The following METTL16 variants were observed in gnomAD, a reference collection of about 807,000 sequenced individuals.
The protein encoded by METTL16 is methyltransferase 16, RNA N6-adenosine.
In METTL16, 19 loss-of-function variants were observed where a neutral mutation model predicts 57.9. That is an observed-to-expected ratio of 0.33 (90% CI 0.23 to 0.48). The LOEUF (loss-of-function observed/expected upper bound fraction) is 0.48. Ranked by LOEUF, METTL16 falls within the 20% of genes least tolerant of loss-of-function variation. METTL16 has a pLI of 0.99. For missense variants in METTL16, 434 were observed against 691.5 expected, an observed-to-expected ratio of 0.63 and a Z score of 4.18; for synonymous variants, 246 against 255.6, an observed-to-expected ratio of 0.96 and a Z score of 0.36.
chr17:2,419,355 CA>C lies in METTL16; in HGVS notation c.*614del. ...TACCTAATTCTGCTTCTGAAATAAG[CA>C]ACATCAAAACAGCCAGGTGTCAGGA... On this transcript the variant is annotated 3_prime_UTR_variant, in exon 10 of 10. Coordinates refer to ENST00000263092, the MANE Select transcript of METTL16 (RefSeq NM_024086.4). The C allele has an allele frequency of 3.9e-6, 1 of 255,252 alleles. No homozygotes were observed. The highest frequency in any genetic ancestry group is 4.9e-5 in the Admixed American group (1 of 20,422). The allele number at this position is 255,252 out of a possible 1,614,324, so 15.8% of individuals were successfully genotyped here.
intron 7 of METTL16, among the ~76,000 whole-genome samples, chr17:2,439,285 A>T (rs541710124): frequency 9.9e-5 from 15 of 151,956 alleles, no homozygotes; most frequent in Admixed American, 2.0e-4. Flanking sequence ...AACTTTTTGT[A>T]TTTTTTTGTT....
intron 6 of METTL16, among the ~76,000 whole-genome samples, chr17:2,447,228 C>T (rs1037295826): frequency 5.4e-5 from 8 of 148,162 alleles, no homozygotes; most frequent in Non-Finnish European, 1.2e-4. Flanking sequence ...CACCTCTGAC[C>T]CGCCGCCCTG....
intron 8 of METTL16, among the ~76,000 whole-genome samples, chr17:2,423,265 T>TGTGTGTGG (rs2066781881): frequency 1.5e-5 from 1 of 66,686 alleles, no homozygotes; most frequent in African/African-American, 2.8e-4. Context: ...ACAAAGGGTG[T>TGTGTGTGG]GTGTGTGTGT....
chr17:2,426,354 G>A (rs1191491833), intron 8 of METTL16, among the ~76,000 whole-genome samples: 1 of 152,088 alleles, frequency 6.6e-6, no homozygotes, highest in African/African-American at 2.4e-5. Context: ...ACCACACCCA[G>A]CCCATTTCTT....
At chr17:2,499,716 C>T (rs2067473764) in intron 2 of METTL16, among the ~76,000 whole-genome samples, 1 of 152,018 alleles carries the variant, frequency 6.6e-6, no homozygotes, top group Non-Finnish European at 1.5e-5. Context: ...TATATTAACA[C>T]AGTAAGTAGT....
chr17:2,424,314 C>T (rs1168731580), intron 8 of METTL16: 1 of 150,952 alleles, frequency 6.6e-6, no homozygotes, highest in Non-Finnish European at 1.5e-5. Flanking sequence ...GGGGTTTCAC[C>T]GTTTTAGCCG....
intron 2 of METTL16, among the ~76,000 whole-genome samples, chr17:2,501,522 G>T (rs1317176202): frequency 6.6e-6 from 1 of 152,092 alleles, no homozygotes; most frequent in Non-Finnish European, 1.5e-5. Flanking sequence ...TGATGTCCTG[G>T]TTATTATTTT....
intron 4 of METTL16, among the ~76,000 whole-genome samples, chr17:2,469,613 C>T (rs2067223746): frequency 6.6e-6 from 1 of 152,176 alleles, no homozygotes; most frequent in African/African-American, 2.4e-5. Flanking sequence ...CAACCTCTGC[C>T]TCCTGGGTTC....
intron 8 of METTL16, among the ~76,000 whole-genome samples, chr17:2,429,864 G>A (rs926957534): frequency 5.3e-5 from 8 of 151,836 alleles, no homozygotes; most frequent in African/African-American, 1.9e-4. Flanking sequence ...AGGCTGGAGT[G>A]CAGTGGCACG....
chr17:2,503,223 G>C (rs1472384078), intron 1 of METTL16, among the ~76,000 whole-genome samples: 2 of 152,090 alleles, frequency 1.3e-5, no homozygotes, highest in African/African-American at 4.8e-5. Flanking sequence ...GATGAATGTG[G>C]ACCAACAAAA....
At position 2,511,816 on chromosome 17, in the gene METTL16, G is replaced by C. The variant is rs2067591488; in HGVS notation, c.-58C>G. ...TCTGGCGTGGGCCTGTACAACCCTA[G>C]AATCTTAAAGCAGCCGCATAGCGAA... is the stretch of plus-strand genomic sequence containing the variant. On this transcript the variant is annotated 5_prime_UTR_variant, in exon 1 of 10. Coordinates refer to ENST00000263092, the MANE Select transcript of METTL16 (RefSeq NM_024086.4). 1 of 398,608 alleles carries C rather than the reference G, an allele frequency of 2.5e-6. No individual in the cohort carries two copies. 24.7% of individuals were successfully genotyped at this position (398,608 alleles called of 1,614,324 possible).
chr17:2,430,454 C>G (rs1266344805), intron 8 of METTL16, among the ~76,000 whole-genome samples: 1 of 126,400 alleles, frequency 7.9e-6, no homozygotes, highest in African/African-American at 3.0e-5. Context: ...CTCGCTCTGT[C>G]GCCCAGGCTG....
At chr17:2,477,427 C>T in intron 3 of METTL16, 1 of 394,202 alleles carries the variant, frequency 2.5e-6, no homozygotes. Context: ...GAAATATGTG[C>T]ACTATATTTA....
chr17:2,451,522 G>A (rs184437455), intron 6 of METTL16, among the ~76,000 whole-genome samples: 4 of 151,880 alleles, frequency 2.6e-5, no homozygotes, highest in Non-Finnish European at 5.9e-5. Flanking sequence ...GCAGGAGGCT[G>A]AAGCAGGAGA....
intron 6 of METTL16, among the ~76,000 whole-genome samples, chr17:2,446,042 G>T (rs2066993164): frequency 6.6e-6 from 1 of 152,000 alleles, no homozygotes; most frequent in South Asian, 2.1e-4. Context: ...AAAGCATTTG[G>T]AAAAAGTCAA....
At chr17:2,461,780 T>C (rs1244561116) in intron 6 of METTL16, among the ~76,000 whole-genome samples, 2 of 152,158 alleles carry the variant, frequency 1.3e-5, no homozygotes, top group African/African-American at 4.8e-5. Flanking sequence ...GGTTTCACCA[T>C]GTTGGTGAGG....
rs1474390044 is a variant in METTL16 at position 2,419,617 on chromosome 17, G to C, written c.*353C>G. On this transcript the variant is annotated 3_prime_UTR_variant, in exon 10 of 10. Coordinates refer to ENST00000263092, the MANE Select transcript of METTL16 (RefSeq NM_024086.4). ...GTGACAGAGACAGCATGATATTCTA[G>C]GCAGTGCTGCCCAGCCCAGACTCCA... 2.0e-6 allele frequency: 1 copy of C among 492,828 alleles called. No homozygotes were observed. The highest frequency in any genetic ancestry group is 4.0e-6 in the Non-Finnish European group (1 of 251,842). 30.5% of individuals were successfully genotyped at this position (492,828 alleles called of 1,614,324 possible).
chr17:2,493,131 T>TC (rs2067413709), intron 2 of METTL16, among the ~76,000 whole-genome samples: 1 of 144,068 alleles, frequency 6.9e-6, no homozygotes, highest in South Asian at 2.2e-4. Flanking sequence ...TGATTCTTCT[T>TC]TTTTTTTTTT....
At position 2,511,875 on chromosome 17, in the gene METTL16, C is replaced by T. The variant is rs1437615588; in HGVS notation, c.-117G>A. 4 of 398,550 alleles carry T rather than the reference C, an allele frequency of 1.0e-5. No individual in the cohort carries two copies. In the Admixed American group the frequency reaches 1.3e-4, roughly 13 times the overall value. The allele number at this position is 398,550 out of a possible 1,614,324, so 24.7% of individuals were successfully genotyped here. On this transcript the variant is annotated 5_prime_UTR_variant, in exon 1 of 10. Coordinates refer to ENST00000263092, the MANE Select transcript of METTL16 (RefSeq NM_024086.4). ...AAACGCAGATGATACGCTCCCAGCG[C>T]GCCGCCATCTTGTGAAGCCATCTAG...
Sources: gnomAD v4.1 joint callset for allele counts (sites outside exome capture counted in the v4.1 genomes callset) on GRCh38, gnomAD v4.1.1 for gene constraint, MANE v1.5 for transcripts, NCBI Gene and HGNC (gene_info 2026-07-23, HGNC 2026-07-21) for gene names.